CARF: variants seen among roughly 807,000 people sequenced by gnomAD.
The protein encoded by CARF is calcium responsive transcription factor, also known as calcium-responsive transcription factor.
In CARF, 57 loss-of-function variants were observed where a neutral mutation model predicts 82.0. The observed-to-expected ratio is 0.70, with a 90% confidence interval of 0.56 to 0.87. The LOEUF is 0.87. Ranked by LOEUF, CARF falls within the 40% of genes least tolerant of loss-of-function variation. The pLI is 0.00. For synonymous variants in CARF, 268 were observed against 290.1 expected, an observed-to-expected ratio of 0.92 and a Z score of 0.77; for missense variants, 771 against 855.8, an observed-to-expected ratio of 0.90 and a Z score of 1.24.
chr2:202,983,097 T>C (rs1574823469), intron 16 of CARF, among the ~76,000 whole-genome samples: 2 of 151,822 alleles, frequency 1.3e-5, no homozygotes, highest in African/African-American at 4.8e-5. Flanking sequence ...CGCAGGCTGG[T>C]CTTGAACTCC....
intron 10 of CARF, 120 bp downstream of exon 10, chr2:202,967,218 C>T: frequency 2.7e-6 from 3 of 1,109,412 alleles, no homozygotes; most frequent in Non-Finnish European, 2.5e-6. Flanking sequence ...TAAGTTTTCT[C>T]TTACCCACAT....
intron 14 of CARF, among the ~76,000 whole-genome samples, chr2:202,977,596 A>G (rs984604957): frequency 1.4e-4 from 22 of 152,344 alleles, no homozygotes; most frequent in African/African-American, 5.3e-4. Context: ...AAGTCTGGCT[A>G]ATTCCAGTAG....
At chr2:202,974,718 G>T (rs2059953277) in intron 13 of CARF, among the ~76,000 whole-genome samples, 1 of 151,934 alleles carries the variant, frequency 6.6e-6, no homozygotes. Flanking sequence ...GGCCAACACG[G>T]TGAAACCCCA....
intron 10 of CARF, among the ~76,000 whole-genome samples, chr2:202,968,381 A>G (rs1574742641): frequency 6.6e-6 from 1 of 152,138 alleles, no homozygotes; most frequent in Non-Finnish European, 1.5e-5. Context: ...CAGCCTGGGC[A>G]ACAGAGCAAG....
At position 202,983,827 on chromosome 2, in the gene CARF, A is replaced by C. The variant is rs1574826480; in HGVS notation, c.*203A>C. ...ATGTTTTACTCTTCTTATTTTGTAT[A>C]ATTTTTATGCTCTTTGATTATCTAA... On this transcript the variant is annotated 3_prime_UTR_variant, in exon 17 of 17. Transcript: ENST00000438828. 4 of 489,528 alleles carry C rather than the reference A, an allele frequency of 8.2e-6. No homozygotes were observed. The East Asian group carries it at 1.5e-4, about 18-fold the overall frequency. 30.3% of individuals were successfully genotyped at this position (489,528 alleles called of 1,614,324 possible).
intron 3 of CARF, among the ~76,000 whole-genome samples, chr2:202,941,524 C>T (rs1291703788): frequency 1.3e-5 from 2 of 151,966 alleles, no homozygotes; most frequent in East Asian, 1.9e-4. Context: ...ACTTTATGTG[C>T]ATTAAATCTC....
intron 7 of CARF, 25 bp downstream of exon 7, chr2:202,954,159 C>G: frequency 6.3e-7 from 1 of 1,595,262 alleles, no homozygotes; most frequent in Non-Finnish European, 8.5e-7. Context: ...AAGAGAAGCT[C>G]ATCTTTTAAT....
intron 8 of CARF, among the ~76,000 whole-genome samples, chr2:202,958,365 G>C (rs200478792): frequency 6.6e-6 from 1 of 151,184 alleles, no homozygotes; most frequent in Non-Finnish European, 1.5e-5. Flanking sequence ...TGTTTGATGA[G>C]GGTTTTAAAA....
At chr2:202,918,749 T>C (rs1024420185) in intron 2 of CARF, among the ~76,000 whole-genome samples, 8 of 152,100 alleles carry the variant, frequency 5.3e-5, no homozygotes, top group Non-Finnish European at 1.0e-4. Context: ...ATCCAAATTA[T>C]TTTTTTAAAG....
chr2:202,930,994 A>T (rs191602009), intron 3 of CARF, among the ~76,000 whole-genome samples: 5 of 107,444 alleles, frequency 4.7e-5, no homozygotes, highest in African/African-American at 1.9e-4. Context: ...TTTTTTTGGC[A>T]ACGGAGTTTC....
chr2:202,935,827 T>C (rs1464912747), intron 3 of CARF, among the ~76,000 whole-genome samples: 1 of 152,146 alleles, frequency 6.6e-6, no homozygotes, highest in Admixed American at 6.5e-5. Context: ...CCAAAAATAC[T>C]TTCTTTAGGG....
At position 202,942,917 on chromosome 2, in the gene CARF, C is replaced by G; in HGVS notation, c.256C>G (p.Gln86Glu). 1.2e-6 allele frequency: 2 copies of G among 1,614,108 alleles called. No homozygotes were observed. Among genetic ancestry groups the G allele is most frequent in the African/African-American group, 1.3e-5 (1 of 75,028 alleles). ...ATTCCATCTAGTGGACCAAAATGGG[C>G]AGGCTATTCAATATGAACTTCAGTC... ...EQFHLVDQNG[Q>E]AIQYELQSLG... Residue 86 changes from glutamine to glutamate, a missense_variant, in exon 5 of 17, where the codon CAG becomes GAG. Physicochemically the swap from Gln to Glu is conservative, Grantham distance 29. Transcript: ENST00000438828.
chr2:202,984,666 CATCTG>C lies in CARF; in HGVS notation c.*1048_*1052del, dbSNP rs1269216438. ...TTAGTTTATATTTAAAACTTTAAAA[CATCTG>C]ATCTGGGATTTTTTTGTTAAGTAAG... is the stretch of plus-strand genomic sequence containing the variant. On this transcript the variant is annotated 3_prime_UTR_variant, in exon 17 of 17. Coordinates refer to ENST00000438828, the MANE Select transcript of CARF (RefSeq NM_024744.17). 1.3e-5 allele frequency: 2 copies of C among 152,146 alleles called. No individual in the cohort carries two copies. The highest frequency in any genetic ancestry group is 2.9e-5 in the Non-Finnish European group (2 of 68,032). 9.4% of individuals were successfully genotyped at this position (152,146 alleles called of 1,614,324 possible).
chr2:202,986,868 G>GTATGTATATATATATATATA lies in CARF; in HGVS notation c.*3247_*3248insGTATATATATATATATATAT, dbSNP rs1491098285. 2 of 29,638 alleles carry GTATGTATATATATATATATA rather than the reference G, an allele frequency of 6.7e-5. No homozygotes were observed. Among genetic ancestry groups the GTATGTATATATATATATATA allele is most frequent in the African/African-American group, 1.5e-4 (2 of 13,012 alleles). 1.8% of individuals were successfully genotyped at this position (29,638 alleles called of 1,614,324 possible). The stretch of plus-strand genomic sequence containing the variant: ...AAAGAGGTTTAAAAAATGTCTGTGC[G>GTATGTATATATATATATATA]TATATATATATATATATATATATAT... On this transcript the variant is annotated 3_prime_UTR_variant, in exon 17 of 17. Coordinates refer to ENST00000438828, the MANE Select transcript of CARF (RefSeq NM_024744.17).
At chr2:202,925,496 A>G (rs1691629945) in intron 3 of CARF, 1 of 248,744 alleles carries the variant, frequency 4.0e-6, no homozygotes, top group African/African-American at 2.3e-5. Context: ...GAGTATTAGG[A>G]ATATGATCAA....
At chr2:202,926,685 GATATA>G (rs1391219218) in intron 3 of CARF, among the ~76,000 whole-genome samples, 1 of 152,140 alleles carries the variant, frequency 6.6e-6, no homozygotes, top group Non-Finnish European at 1.5e-5. Flanking sequence ...CAAGTTGGAA[GATATA>G]ATATCTTATT....
intron 5 of CARF, among the ~76,000 whole-genome samples, chr2:202,943,516 G>A (rs1361633426): frequency 2.0e-5 from 3 of 147,744 alleles, no homozygotes; most frequent in Non-Finnish European, 4.5e-5. Flanking sequence ...GAGATCAATT[G>A]GAAATGTAAC....
chr2:202,971,391 ATCCTT>A (rs2059786191), intron 11 of CARF, 109 bp from the exon 12 acceptor site: 1 of 531,006 alleles, frequency 1.9e-6, no homozygotes. Flanking sequence ...TAAAGGATTA[ATCCTT>A]TCCTTTATGA....
chr2:202,988,052 C>T lies in CARF; in HGVS notation c.*4428C>T, dbSNP rs1354855110. Among the ~76,000 whole-genome samples, 1 of 152,176 alleles carries T rather than the reference C, an allele frequency of 6.6e-6. No homozygotes were observed. The highest frequency in any genetic ancestry group is 1.9e-4 in the East Asian group (1 of 5,200). The stretch of plus-strand genomic sequence containing the variant: ...ATGATCAGTTTGCTACAAATGAAAT[C>T]ACATAATATGAACCTTTTTTGGTCT... On this transcript the variant is annotated 3_prime_UTR_variant, in exon 17 of 17. Transcript: ENST00000438828.
Sources: allele counts gnomAD v4.1 joint callset (sites outside exome capture counted in the v4.1 genomes callset), GRCh38; gene constraint gnomAD v4.1.1; transcripts MANE v1.5; gene names NCBI Gene and HGNC (gene_info 2026-07-23, HGNC 2026-07-21).